PLIN3: variants seen among roughly 807,000 people sequenced by gnomAD.
PLIN3 encodes perilipin 3, also known as perilipin-3.
A neutral mutation model predicts 35.9 loss-of-function variants in PLIN3; 30 were observed. The ratio of observed to expected loss-of-function variants is 0.84; its 90% CI spans 0.62 to 1.13. PLIN3 has a LOEUF of 1.13. Among genes scored for constraint, PLIN3 ranks in the 50% most tolerant of loss-of-function variants. The probability of loss-of-function intolerance (pLI) is 0.00; values close to 1 mark genes in which losing one functional copy is unlikely to be tolerated. For missense variants in PLIN3, 603 were observed against 596.9 expected, an observed-to-expected ratio of 1.01 and a Z score of -0.11; for synonymous variants, 261 against 262.5, an observed-to-expected ratio of 0.99 and a Z score of 0.06.
chr19:4,845,357 C>T (rs1293602356), intron 6 of PLIN3, among the ~76,000 whole-genome samples: 1 of 151,984 alleles, frequency 6.6e-6, no homozygotes, highest in Non-Finnish European at 1.5e-5. Context: ...ACCTGGGAGG[C>T]GGAGGTTGCA....
At position 4,838,561 on chromosome 19, in the gene PLIN3, C is replaced by G. The variant is rs2093623418; in HGVS notation, c.*631G>C. On this transcript the variant is annotated 3_prime_UTR_variant, in exon 8 of 8. Transcript: ENST00000221957. ...TGTAAACAAAGAAGTGGGATATGAA[C>G]TATATCCCTGATTTTTTTTTCTTTT... 6.6e-6 allele frequency: 1 copy of G among 151,088 alleles called. No individual in the cohort carries two copies. Among genetic ancestry groups the G allele is most frequent in the Non-Finnish European group, 1.5e-5 (1 of 67,896 alleles). The allele number at this position is 151,088 out of a possible 1,614,324, so 9.4% of individuals were successfully genotyped here.
intron 4 of PLIN3, among the ~76,000 whole-genome samples, chr19:4,855,959 C>G (rs764251694): frequency 6.6e-6 from 1 of 151,336 alleles, no homozygotes; most frequent in Admixed American, 6.6e-5. Context: ...GACAACCGCT[C>G]TGCTGTTTCC....
chr19:4,851,811 T>G (rs2030299994), intron 5 of PLIN3, among the ~76,000 whole-genome samples: 2 of 151,586 alleles, frequency 1.3e-5, no homozygotes, highest in Middle Eastern at 3.2e-3. Context: ...GTGGCTGCTG[T>G]GGGGAGGAGA....
chr19:4,865,334 C>G (rs1353042028), intron 1 of PLIN3, among the ~76,000 whole-genome samples: 1 of 151,494 alleles, frequency 6.6e-6, no homozygotes, highest in African/African-American at 2.4e-5. Context: ...ACTAAAAATA[C>G]AAAAATTAGC....
At chr19:4,845,757 T>C (rs1222007914) in intron 6 of PLIN3, among the ~76,000 whole-genome samples, 2 of 149,070 alleles carry the variant, frequency 1.3e-5, no homozygotes, top group African/African-American at 5.0e-5. Context: ...ACCCCATCTC[T>C]ACTAAAAATA....
chr19:4,843,893 C>T (rs897621537), intron 7 of PLIN3, among the ~76,000 whole-genome samples: 6 of 152,196 alleles, frequency 3.9e-5, no homozygotes, highest in Non-Finnish European at 5.9e-5. Flanking sequence ...CCCTAAAACT[C>T]GCCCTTTGAA....
rs777476868 is a variant in PLIN3 at position 4,859,997 on chromosome 19, T to C, written c.94A>G (p.Met32Val). The change falls in exon 3 of 8, where the codon ATG becomes GTG. Residue 32 changes from methionine (M) to valine (V), a missense_variant. Transcript: ENST00000221957. Reference protein sequence around the residue: ...QPSVVDRVASMPLISSTCDMV... With the variant: ...QPSVVDRVASVPLISSTCDMV... ...TCGCAGGTGGAGCTGATCAGAGGCATGCTGGCCACACGGTCCACCACACTG... is the reference window on the plus strand; with the variant it reads ...TCGCAGGTGGAGCTGATCAGAGGCACGCTGGCCACACGGTCCACCACACTG... 2.4e-5 allele frequency: 38 copies of C among 1,613,982 alleles called. No individual in the cohort carries two copies. Among genetic ancestry groups the C allele is most frequent in the Non-Finnish European group, 3.2e-5 (38 of 1,180,038 alleles).
intron 4 of PLIN3, among the ~76,000 whole-genome samples, chr19:4,853,188 C>T (rs1485286583): frequency 1.3e-5 from 2 of 151,638 alleles, no homozygotes; most frequent in Non-Finnish European, 2.9e-5. Flanking sequence ...AGGTGGAGTG[C>T]GGTGGCACAA....
At chr19:4,861,576 A>G (rs931084308) in intron 1 of PLIN3, among the ~76,000 whole-genome samples, 165 bp from the exon 2 acceptor site, 1 of 151,394 alleles carries the variant, frequency 6.6e-6, no homozygotes, top group Non-Finnish European at 1.5e-5. Context: ...ACTTTGTTCA[A>G]TAGCAAGTGC....
At chr19:4,840,187 T>C (rs1367666277) in intron 7 of PLIN3, among the ~76,000 whole-genome samples, 1 of 152,000 alleles carries the variant, frequency 6.6e-6, no homozygotes, top group Admixed American at 6.6e-5. Flanking sequence ...AGGCTGGTCT[T>C]GAACTCTACC....
chr19:4,864,737 G>A (rs1599178987), intron 1 of PLIN3, among the ~76,000 whole-genome samples: 1 of 152,148 alleles, frequency 6.6e-6, no homozygotes, highest in Non-Finnish European at 1.5e-5. Flanking sequence ...TAAGCGGGAT[G>A]AAGCCACAAC....
Position 4,839,464 on chromosome 19 carries a change from C to T in PLIN3, c.1033G>A (p.Gly345Arg). ...QQLQATCTSL[G>R]SSIQGLPTNV... ...GTGGGGAGGCCCTGAATGCTGGACC[C>T]CAGGGAGGTACAGGTGGCCTGCAGT... The change falls in exon 8 of 8, where the codon GGG becomes AGG. Residue 345 changes from glycine (G) to arginine (R), a missense_variant. Gly to Arg is a moderately radical substitution (Grantham distance 125, BLOSUM62 -2). Transcript: ENST00000221957. 1 of 1,575,262 alleles carries T rather than the reference C, an allele frequency of 6.3e-7. No homozygotes were observed. The highest frequency in any genetic ancestry group is 8.7e-7 in the Non-Finnish European group (1 of 1,155,268).
In PLIN3 at chr19:4,844,689, C is replaced by T. The variant is rs2030024754; in HGVS notation, c.939G>A (p.Glu313=). ...GTACCTCTGGCTTGGGCGGCTCCTT[C>T]TCGGGGCCCTGGAGCTGCTTCTGGT... ...SWNQKQLQGP[E]KEPPKPEQVE... The change falls in exon 7 of 8, where the codon GAG becomes GAA. Residue 313 remains glutamate, a synonymous_variant. Coordinates refer to ENST00000221957, the MANE Select transcript of PLIN3 (RefSeq NM_005817.5). 7 of 1,609,510 alleles carry T rather than the reference C, an allele frequency of 4.3e-6. No homozygotes were observed. Among genetic ancestry groups the T allele is most frequent in the Non-Finnish European group, 5.9e-6 (7 of 1,178,348 alleles).
chr19:4,858,361 T>A (rs1383515600), intron 4 of PLIN3, among the ~76,000 whole-genome samples: 3 of 151,388 alleles, frequency 2.0e-5, no homozygotes, highest in Non-Finnish European at 1.5e-5. Context: ...AGGACACAGT[T>A]TGGAACATGG....
At chr19:4,865,758 C>T (rs778433030) in intron 1 of PLIN3, among the ~76,000 whole-genome samples, 6 of 86,402 alleles carry the variant, frequency 6.9e-5, no homozygotes, top group Non-Finnish European at 1.4e-4. Context: ...GAGTCTCGCC[C>T]TGTCGCCCAC....
chr19:4,865,335 A>C (rs548292481), intron 1 of PLIN3, among the ~76,000 whole-genome samples: 26 of 151,740 alleles, frequency 1.7e-4, no homozygotes, highest in African/African-American at 3.6e-4. Context: ...CTAAAAATAC[A>C]AAAATTAGCC....
chr19:4,859,616 G>A lies in PLIN3; in HGVS notation c.322C>T (p.Pro108Ser), dbSNP rs2030597524. The A allele has an allele frequency of 1.2e-6, 2 of 1,614,156 alleles. No individual in the cohort carries two copies. The highest frequency in any genetic ancestry group is 1.7e-6 in the Non-Finnish European group (2 of 1,180,016). ...RGLDKLEENL[P>S]ILQQPTEKVL... ...TTCTCCGTGGGCTGCTGCAGGATGG[G>A]GAGGTTCTCCTCCAACTTGTCCAGC... Residue 108 changes from proline (P) to serine (S), a missense_variant, in exon 4 of 8, where the codon CCC becomes TCC. By Grantham distance (74) the Pro-to-Ser change is moderately conservative. Coordinates refer to ENST00000221957, the MANE Select transcript of PLIN3 (RefSeq NM_005817.5).
intron 4 of PLIN3, among the ~76,000 whole-genome samples, chr19:4,858,358 A>G (rs919804907): frequency 1.3e-5 from 2 of 150,202 alleles, no homozygotes; most frequent in African/African-American, 2.4e-5. Flanking sequence ...GGCAGGACAC[A>G]GTTTGGAACA....
At chr19:4,848,128 C>T (rs1242113898) in intron 5 of PLIN3, among the ~76,000 whole-genome samples, 1 of 152,084 alleles carries the variant, frequency 6.6e-6, no homozygotes, top group African/African-American at 2.4e-5. Context: ...AGATTACAGG[C>T]GCCCGCCACC....
Sources: allele counts gnomAD v4.1 joint callset (sites outside exome capture counted in the v4.1 genomes callset), GRCh38; gene constraint gnomAD v4.1.1; transcripts MANE v1.5; gene names NCBI Gene and HGNC (gene_info 2026-07-23, HGNC 2026-07-21).